Variants in CNTN4 observed in about 807,000 individuals in gnomAD.
The protein encoded by CNTN4 is contactin-4.
Under a neutral mutation model 122.5 loss-of-function variants are expected in CNTN4, and 77 were observed. That is an observed-to-expected ratio of 0.63 (90% CI 0.52 to 0.76). The LOEUF (loss-of-function observed/expected upper bound fraction) is 0.76, where lower values mean the gene tolerates loss of function less well. CNTN4 is among the 30% of genes least tolerant of loss of function. The pLI is 0.00. For missense variants in CNTN4, 1,256 were observed against 1,259.1 expected, an observed-to-expected ratio of 1.00 and a Z score of 0.04; for synonymous variants, 512 against 447.0, an observed-to-expected ratio of 1.15 and a Z score of -1.83.
chr3:2,317,528 G>A (rs1434730062), intron 2 of CNTN4, among the ~76,000 whole-genome samples: 1 of 152,132 alleles, frequency 6.6e-6, no homozygotes, highest in Non-Finnish European at 1.5e-5. Flanking sequence ...ATCCTGAAGA[G>A]CATTATCATA....
intron 3 of CNTN4, among the ~76,000 whole-genome samples, chr3:2,354,561 A>G (rs937040073): frequency 3.2e-4 from 48 of 152,186 alleles, no homozygotes; most frequent in African/African-American, 9.9e-4. Context: ...TTTGAACCTT[A>G]AGTGAAAGGA....
chr3:2,893,640 C>T (rs766087517), intron 10 of CNTN4, among the ~76,000 whole-genome samples: 1 of 152,072 alleles, frequency 6.6e-6, no homozygotes, highest in African/African-American at 2.4e-5. Flanking sequence ...ATAAAGTCCT[C>T]ACCTAATAAG....
rs975522903 is a variant in CNTN4 at position 3,006,946 on chromosome 3, G to A, written c.1486+18474G>A. On this transcript the variant is annotated intron_variant, in intron 14 of 24. Coordinates refer to ENST00000418658, the MANE Select transcript of CNTN4 (RefSeq NM_175607.3). ...TGTATTCCTTTTGCTACCTCCCCGC[G>A]CCATCAACTCCACTACCATTTATCC... Among the ~76,000 whole-genome samples the A allele has an allele frequency of 6.6e-5, 10 of 152,116 alleles. No homozygotes were observed. The East Asian group carries it at 7.7e-4, about 12-fold the overall frequency.
At chr3:2,889,849 C>A (rs761746010) in intron 10 of CNTN4, among the ~76,000 whole-genome samples, 3 of 152,146 alleles carry the variant, frequency 2.0e-5, no homozygotes, top group Non-Finnish European at 2.9e-5. Flanking sequence ...AGGTTTCCTG[C>A]ACTGGAAATA....
rs562867884 is a variant in CNTN4, at chr3:2,148,670, C to G, written c.-145+48031C>G. 7.3e-4 allele frequency among the ~76,000 whole-genome samples: 111 copies of G among 152,182 alleles called. 1 individual carries two copies. Among genetic ancestry groups the G allele is most frequent in the African/African-American group, 2.6e-3 (106 of 41,526 alleles). On this transcript the variant is annotated intron_variant, in intron 2 of 24. Coordinates refer to ENST00000418658, the MANE Select transcript of CNTN4 (RefSeq NM_175607.3). Reference sequence around the variant, plus strand: ...CCCAGTTTGTGTAAATCTTATGAGGCTTGATAAATGGACTTAATAATTATC... The same window carrying G: ...CCCAGTTTGTGTAAATCTTATGAGGGTTGATAAATGGACTTAATAATTATC...
At position 2,385,696 on chromosome 3, in the gene CNTN4, C is replaced by A. The variant is rs1295434089; in HGVS notation, c.-89+46463C>A. 6.6e-6 allele frequency among the ~76,000 whole-genome samples: 1 copy of A among 151,994 alleles called. No homozygotes were observed. Among genetic ancestry groups the A allele is most frequent in the Non-Finnish European group, 1.5e-5 (1 of 68,014 alleles). ...TCCTCCATCTTCACATGCTGCATTC[C>A]CTGTATGCCTGTGTGTTCAAATTTT... On this transcript the variant is annotated intron_variant, in intron 3 of 24. Transcript: ENST00000418658. The surrounding 1 kb of genome is among the most constrained non-coding windows in gnomAD (Gnocchi z 4.0).
intron 4 of CNTN4, among the ~76,000 whole-genome samples, chr3:2,629,732 G>C (rs1246559794): frequency 6.6e-6 from 1 of 152,108 alleles, no homozygotes; most frequent in Non-Finnish European, 1.5e-5. Flanking sequence ...TGTATAATAC[G>C]TGGTGCCTGC....
At chr3:2,567,155 C>T (rs575147324) in intron 3 of CNTN4, among the ~76,000 whole-genome samples, 6 of 149,482 alleles carry the variant, frequency 4.0e-5, no homozygotes, top group East Asian at 2.0e-4. Flanking sequence ...TGCACGATCT[C>T]GGCTCACTGC....
chr3:2,229,926 G>A (rs1318419371), intron 2 of CNTN4, among the ~76,000 whole-genome samples: 1 of 152,136 alleles, frequency 6.6e-6, no homozygotes, highest in African/African-American at 2.4e-5. Context: ...TACTCCAAAT[G>A]TTTGATGAGT....
At chr3:2,799,350 G>T (rs1421213762) in intron 6 of CNTN4, among the ~76,000 whole-genome samples, 2 of 152,108 alleles carry the variant, frequency 1.3e-5, no homozygotes, top group East Asian at 3.8e-4. Context: ...AGTTTCATGT[G>T]TCTATTTTGG....
At chr3:2,803,217 A>G (rs1206376512) in intron 6 of CNTN4, among the ~76,000 whole-genome samples, 1 of 152,230 alleles carries the variant, frequency 6.6e-6, no homozygotes, top group African/African-American at 2.4e-5. Flanking sequence ...AAAGAGATAC[A>G]AATTAGAAAT....
intron 2 of CNTN4, among the ~76,000 whole-genome samples, chr3:2,165,249 G>T (rs992622674): frequency 6.6e-6 from 1 of 151,934 alleles, no homozygotes; most frequent in Non-Finnish European, 1.5e-5. Context: ...CTTGAACCCA[G>T]GAGGCAGAGG....
At chr3:3,047,110 C>T (rs895539997) in intron 23 of CNTN4, among the ~76,000 whole-genome samples, 9 of 151,398 alleles carry the variant, frequency 5.9e-5, no homozygotes, top group African/African-American at 1.5e-4. Flanking sequence ...AATACAGGAG[C>T]ACCCAGATTC....
chr3:2,951,155 A>G (rs1212714584), intron 13 of CNTN4, among the ~76,000 whole-genome samples: 1 of 152,200 alleles, frequency 6.6e-6, no homozygotes. Flanking sequence ...CGAACAATGA[A>G]TCTTCCCTCT....
chr3:2,949,899 A>T (rs2094720386), intron 13 of CNTN4, among the ~76,000 whole-genome samples: 1 of 152,248 alleles, frequency 6.6e-6, no homozygotes, highest in Non-Finnish European at 1.5e-5. Context: ...TCTAACTTAG[A>T]AAAGTAACTC....
At chr3:2,451,703 T>G (rs1355216476) in intron 3 of CNTN4, among the ~76,000 whole-genome samples, 4 of 152,166 alleles carry the variant, frequency 2.6e-5, no homozygotes, top group Admixed American at 2.6e-4. Context: ...ATTTCTTGAG[T>G]TTTTTGCGCT....
chr3:2,478,906 T>C (rs956112332), intron 3 of CNTN4, among the ~76,000 whole-genome samples: 21 of 152,258 alleles, frequency 1.4e-4, no homozygotes, highest in African/African-American at 4.3e-4. Context: ...TTAGCCCTAA[T>C]TATATTATAT....
At chr3:2,640,754 G>A (rs1416254194) in intron 4 of CNTN4, among the ~76,000 whole-genome samples, 1 of 152,194 alleles carries the variant, frequency 6.6e-6, no homozygotes, top group African/African-American at 2.4e-5. Context: ...TTCAAGCCTT[G>A]ATGACAGATT....
chr3:2,780,402 GCT>G (rs1559495636), intron 6 of CNTN4, among the ~76,000 whole-genome samples: 1 of 152,028 alleles, frequency 6.6e-6, no homozygotes, highest in African/African-American at 2.4e-5. Flanking sequence ...TCTCTAAAAG[GCT>G]CTGGATCTTC....
Sources: gnomAD v4.1 joint callset for allele counts (sites outside exome capture counted in the v4.1 genomes callset) on GRCh38, gnomAD v4.1.1 for gene constraint, Gnocchi (gnomAD v3.1) non-coding constraint, MANE v1.5 for transcripts, NCBI Gene and HGNC (gene_info 2026-07-23, HGNC 2026-07-21) for gene names.